Variants in COP1 observed in about 807,000 individuals in gnomAD.
COP1 encodes COP1 E3 ubiquitin ligase, also known as E3 ubiquitin-protein ligase COP1.
COP1 carries 24 observed loss-of-function variants against 101.3 expected under a neutral mutation model. The ratio of observed to expected loss-of-function variants is 0.24; its 90% CI spans 0.17 to 0.33. The LOEUF (loss-of-function observed/expected upper bound fraction) is 0.33, where lower values mean the gene tolerates loss of function less well. COP1 is among the 10% of genes least tolerant of loss of function. The probability of loss-of-function intolerance (pLI) is 1.00; values close to 1 mark genes in which losing one functional copy is unlikely to be tolerated. For synonymous variants in COP1, 347 were observed against 341.9 expected (o/e 1.01, Z -0.17); for missense variants, 663 against 906.2 (o/e 0.73, Z 3.45).
rs371725157 is a variant in COP1, at chr1:176,204,165, A to AT, written c.407+2406dup. On this transcript the variant is annotated intron_variant, in intron 1 of 19. Coordinates refer to ENST00000367669, the MANE Select transcript of COP1 (RefSeq NM_022457.7). Reference sequence around the variant, plus strand: ...TGAGAACTGGGAAATCTGAGTTCTCATTTTGTCCTTACCTGTCCAACGACA... The same window carrying AT: ...TGAGAACTGGGAAATCTGAGTTCTCATTTTTGTCCTTACCTGTCCAACGACA... Among the ~76,000 whole-genome samples, 399 of 152,354 alleles carry AT rather than the reference A, an allele frequency of 2.6e-3. 3 individuals are homozygous for AT. Among genetic ancestry groups the AT allele is most frequent in the African/African-American group, 9.2e-3 (381 of 41,584 alleles).
chr1:176,132,359 C>T (rs1689019517), intron 8 of COP1, among the ~76,000 whole-genome samples: 9 of 151,802 alleles, frequency 5.9e-5, no homozygotes, highest in Admixed American at 5.9e-4. Context: ...TCTTGCAAAG[C>T]CCTACCATGC....
chr1:176,072,072 T>C (rs186593247), intron 11 of COP1, among the ~76,000 whole-genome samples: 3 of 152,372 alleles, frequency 2.0e-5, no homozygotes, highest in East Asian at 3.9e-4. Context: ...CATGTATGTT[T>C]TGAATTACCA....
At chr1:176,008,303 T>C (rs556080490) in intron 15 of COP1, among the ~76,000 whole-genome samples, 1 of 152,336 alleles carries the variant, frequency 6.6e-6, no homozygotes, top group South Asian at 2.1e-4. Context: ...TCACCCATCT[T>C]CTGCGTTGCT....
intron 15 of COP1, among the ~76,000 whole-genome samples, chr1:176,025,617 A>T (rs1398666395): frequency 6.6e-6 from 1 of 152,172 alleles, no homozygotes; most frequent in African/African-American, 2.4e-5. Flanking sequence ...CAACCCAAAC[A>T]ATAGCCAGGG....
At chr1:176,205,620 G>A (rs1333187454) in intron 1 of COP1, among the ~76,000 whole-genome samples, 6 of 152,188 alleles carry the variant, frequency 3.9e-5, no homozygotes, top group African/African-American at 1.2e-4. Context: ...CTAGCTAACA[G>A]CAATTACTTC....
intron 9 of COP1, 65 bp downstream of exon 9, chr1:176,116,559 T>G (rs566524511): frequency 2.2e-5 from 29 of 1,322,768 alleles, no homozygotes; most frequent in East Asian, 1.6e-4. Flanking sequence ...TAAACTAATC[T>G]ATGATTTTAT....
At chr1:176,062,552 C>T (rs1675057675) in intron 11 of COP1, among the ~76,000 whole-genome samples, 1 of 152,146 alleles carries the variant, frequency 6.6e-6, no homozygotes, top group South Asian at 2.1e-4. Context: ...TAAAACAATC[C>T]AACCACTTTA....
intron 18 of COP1, among the ~76,000 whole-genome samples, chr1:175,974,396 A>C (rs2148632504): frequency 6.6e-6 from 1 of 152,350 alleles, no homozygotes; most frequent in Non-Finnish European, 1.5e-5. Context: ...TTCATGTGAT[A>C]GTAAGTCAAT....
At chr1:176,134,005 A>G in intron 8 of COP1, 1 of 387,492 alleles carries the variant, frequency 2.6e-6, no homozygotes, top group East Asian at 7.2e-5. Flanking sequence ...TAACACCAGA[A>G]TTAACGAACT....
At chr1:176,201,369 A>C (rs1572827184) in intron 1 of COP1, among the ~76,000 whole-genome samples, 1 of 152,170 alleles carries the variant, frequency 6.6e-6, no homozygotes, top group Non-Finnish European at 1.5e-5. Context: ...TAGCAGGTTA[A>C]AATAATTATA....
chr1:176,173,986 CAAAAAAAAAAA>C (rs1212803591), intron 3 of COP1, among the ~76,000 whole-genome samples: 7 of 49,062 alleles, frequency 1.4e-4, no homozygotes, highest in South Asian at 1.7e-3. Flanking sequence ...GATGCTGTCT[CAAAAAAAAAAA>C]AAAAAAAAAA....
At chr1:175,951,567 A>G (rs1027567517) in intron 18 of COP1, among the ~76,000 whole-genome samples, 1 of 151,724 alleles carries the variant, frequency 6.6e-6, no homozygotes, top group African/African-American at 2.4e-5. Context: ...ACTGGACCAC[A>G]GGCAGTACAG....
chr1:176,143,123 C>CGAGAGAAAGAGA (rs1690973413), intron 6 of COP1, among the ~76,000 whole-genome samples: 1 of 146,724 alleles, frequency 6.8e-6, no homozygotes, highest in African/African-American at 2.6e-5. Flanking sequence ...ACAGAACAAG[C>CGAGAGAAAGAGA]GAGAGAGAGA....
chr1:175,977,667 A>G (rs1368951914), intron 18 of COP1, among the ~76,000 whole-genome samples: 1 of 152,130 alleles, frequency 6.6e-6, no homozygotes, highest in East Asian at 1.9e-4. Context: ...TAAAATACAA[A>G]AAAAAGTTTC....
chr1:176,103,483 G>A (rs1201836873), intron 9 of COP1, among the ~76,000 whole-genome samples: 1 of 152,178 alleles, frequency 6.6e-6, no homozygotes, highest in Non-Finnish European at 1.5e-5. Context: ...AGAGGGCATG[G>A]AAGCTCTGCA....
At chr1:176,199,829 T>A (rs1700093219) in intron 1 of COP1, among the ~76,000 whole-genome samples, 1 of 152,204 alleles carries the variant, frequency 6.6e-6, no homozygotes, top group Non-Finnish European at 1.5e-5. Flanking sequence ...ATGTATCATA[T>A]CTTCATTAGG....
chr1:175,977,627 C>G (rs1231940093), intron 18 of COP1, among the ~76,000 whole-genome samples: 1 of 151,968 alleles, frequency 6.6e-6, no homozygotes, highest in Non-Finnish European at 1.5e-5. Flanking sequence ...GTCATGAGAA[C>G]AACAGTGGTT....
At chr1:176,069,196 AAAAG>A (rs965756353) in intron 11 of COP1, among the ~76,000 whole-genome samples, 1 of 152,206 alleles carries the variant, frequency 6.6e-6, no homozygotes, top group Non-Finnish European at 1.5e-5. Context: ...AGAGAAAAAA[AAAAG>A]AAAAGAAGAA....
chr1:176,050,970 T>A (rs1258486608), intron 11 of COP1, among the ~76,000 whole-genome samples: 1 of 152,062 alleles, frequency 6.6e-6, no homozygotes, highest in Non-Finnish European at 1.5e-5. Flanking sequence ...AAAATAAGAA[T>A]AATAACACAG....
Sources: gnomAD v4.1 joint callset for allele counts (sites outside exome capture counted in the v4.1 genomes callset) on GRCh38, gnomAD v4.1.1 for gene constraint, MANE v1.5 for transcripts, NCBI Gene and HGNC (gene_info 2026-07-23, HGNC 2026-07-21) for gene names.